Variants in PSMD1 observed in about 807,000 individuals in gnomAD.
PSMD1 encodes the protein proteasome 26S subunit, non-ATPase 1.
Under a neutral mutation model 119.0 loss-of-function variants are expected in PSMD1, and 18 were observed. The ratio of observed to expected loss-of-function variants is 0.15; its 90% CI spans 0.10 to 0.22. The LOEUF is 0.22. Among genes scored for constraint, PSMD1 ranks in the 10% least tolerant of loss-of-function variants. The probability of loss-of-function intolerance (pLI) is 1.00; values close to 1 mark genes in which losing one functional copy is unlikely to be tolerated. For synonymous variants in PSMD1, 374 were observed against 396.6 expected (o/e 0.94, Z 0.68); for missense variants, 702 against 1,158.5 (o/e 0.61, Z 5.72).
chr2:231,149,517 A>G (rs1233681188), intron 18 of PSMD1, among the ~76,000 whole-genome samples: 1 of 152,242 alleles, frequency 6.6e-6, no homozygotes, highest in Non-Finnish European at 1.5e-5. Context: ...GAACATGTAC[A>G]TATTAAGTAT....
chr2:231,057,235 A>G (rs2125145613), intron 1 of PSMD1, among the ~76,000 whole-genome samples, 194 bp downstream of exon 1: 1 of 152,108 alleles, frequency 6.6e-6, no homozygotes, highest in South Asian at 2.1e-4. Flanking sequence ...GGCTTGAGGG[A>G]ATCGAGCCGG....
intron 16 of PSMD1, among the ~76,000 whole-genome samples, chr2:231,125,421 G>A (rs763980960): frequency 5.3e-4 from 80 of 152,188 alleles, no homozygotes; most frequent in Non-Finnish European, 1.6e-4. Context: ...CGTTTTAAAA[G>A]CCTATAGTGA....
At chr2:231,117,760 C>G (rs932789875) in intron 16 of PSMD1, among the ~76,000 whole-genome samples, 9 of 152,094 alleles carry the variant, frequency 5.9e-5, no homozygotes, top group Non-Finnish European at 1.3e-4. Flanking sequence ...ATCTTGCAGT[C>G]ATCTGAAGGA....
intron 9 of PSMD1, 48 bp downstream of exon 9, chr2:231,077,210 T>G: frequency 8.1e-7 from 1 of 1,232,888 alleles, no homozygotes; most frequent in Non-Finnish European, 1.1e-6. Flanking sequence ...ATTTAGTTCT[T>G]TGTTGCATAT....
At chr2:231,101,379 A>G (rs149593415) in intron 16 of PSMD1, among the ~76,000 whole-genome samples, 42 of 152,306 alleles carry the variant, frequency 2.8e-4, no homozygotes, top group African/African-American at 1.0e-3. Flanking sequence ...ATCTTTCCCT[A>G]TAATTTTTAT....
At chr2:231,136,403 C>G (rs1695966166) in intron 16 of PSMD1, among the ~76,000 whole-genome samples, 1 of 152,118 alleles carries the variant, frequency 6.6e-6, no homozygotes. Context: ...GTATGTAGGC[C>G]AAATAAAATC....
chr2:231,102,111 T>C (rs189762542), intron 16 of PSMD1, among the ~76,000 whole-genome samples: 77 of 152,280 alleles, frequency 5.1e-4, no homozygotes, highest in Admixed American at 4.9e-3. Flanking sequence ...GAGCCACCCA[T>C]TGGGTCTGGC....
At chr2:231,079,493 A>G in intron 10 of PSMD1, 43 bp from the exon 11 acceptor site, 1 of 1,374,194 alleles carries the variant, frequency 7.3e-7, no homozygotes, top group South Asian at 1.2e-5. Context: ...TAAGGAATTC[A>G]TTTGTTTTAA....
At chr2:231,087,956 C>T (rs556092297) in intron 16 of PSMD1, among the ~76,000 whole-genome samples, 11 of 151,486 alleles carry the variant, frequency 7.3e-5, no homozygotes, top group Non-Finnish European at 1.3e-4. Flanking sequence ...GAGTGAGACT[C>T]CCTCTCAAAA....
chr2:231,118,260 A>G (rs1695412131), intron 16 of PSMD1, among the ~76,000 whole-genome samples: 2 of 152,308 alleles, frequency 1.3e-5, no homozygotes, highest in South Asian at 4.1e-4. Flanking sequence ...ATTGTTTAAC[A>G]GAAACTAGCC....
At chr2:231,127,773 A>G (rs1258509082) in intron 16 of PSMD1, among the ~76,000 whole-genome samples, 1 of 152,232 alleles carries the variant, frequency 6.6e-6, no homozygotes, top group African/African-American at 2.4e-5. Context: ...TTTATTAAAT[A>G]TTTCTATGCA....
intron 5 of PSMD1, among the ~76,000 whole-genome samples, chr2:231,068,021 G>A (rs1174110067): frequency 6.6e-6 from 1 of 152,076 alleles, no homozygotes; most frequent in East Asian, 1.9e-4. Flanking sequence ...ACTATCCCTT[G>A]TTTGCAGAAC....
intron 20 of PSMD1, chr2:231,163,223 A>G (rs1048319139): frequency 6.3e-6 from 1 of 157,552 alleles, no homozygotes; most frequent in Non-Finnish European, 1.4e-5. Context: ...ATGATTATAT[A>G]TGGTGTGGAA....
In PSMD1 at chr2:231,067,108, G is replaced by A. The variant is rs1693927111; in HGVS notation, c.507G>A (p.Glu169=). 2 of 1,582,228 alleles carry A rather than the reference G, an allele frequency of 1.3e-6. No homozygotes were observed. Among genetic ancestry groups the A allele is most frequent in the East Asian group, 2.3e-5 (1 of 44,080 alleles). The change falls in exon 5 of 25, where the codon GAG becomes GAA. Residue 169 remains glutamate, a synonymous_variant. Transcript: ENST00000308696. ...RLDVFEKTIL[E]SNDVPGMLAY... is the part of the protein sequence containing the mutation. ...ACGTCTTTGAAAAGACCATACTGGA[G>A]TCGGTAGGTAGATGATGTTATTTTA...
chr2:231,088,328 TAGC>T (rs1694505663), intron 16 of PSMD1, among the ~76,000 whole-genome samples: 1 of 152,202 alleles, frequency 6.6e-6, no homozygotes. Context: ...GTGTTTCTCT[TAGC>T]TAAGATACAA....
intron 20 of PSMD1, 148 bp downstream of exon 20, chr2:231,161,657 T>G (rs900159101): frequency 5.5e-5 from 49 of 894,036 alleles, no homozygotes; most frequent in Non-Finnish European, 8.0e-5. Flanking sequence ...AATCGTCACC[T>G]TTTTGAATGG....
rs552103076 is a variant in PSMD1, at chr2:231,135,319, T to A, written c.1884-3417T>A. Among the ~76,000 whole-genome samples, 2 of 152,302 alleles carry A rather than the reference T, an allele frequency of 1.3e-5. 1 individual carries two copies. Among genetic ancestry groups the A allele is most frequent in the South Asian group, 4.1e-4 (2 of 4,828 alleles). ...TGTCCTATAATAATAGGCATTGATT[T>A]AAACCTATAATAATTGGTTCATTTT... is the stretch of plus-strand genomic sequence containing the variant. On this transcript the variant is annotated intron_variant, in intron 16 of 24. Transcript: ENST00000308696.
At chr2:231,153,712 T>C in intron 19 of PSMD1, 46 bp downstream of exon 19, 1 of 1,263,382 alleles carries the variant, frequency 7.9e-7, no homozygotes, top group Non-Finnish European at 1.1e-6. Flanking sequence ...AAACTAAATC[T>C]AATAAAATAA....
intron 23 of PSMD1, among the ~76,000 whole-genome samples, chr2:231,167,564 C>T (rs1696817207): frequency 2.0e-5 from 3 of 151,506 alleles, no homozygotes. Flanking sequence ...GAAGGTATAG[C>T]CCTACACACA....
Sources: gnomAD v4.1 joint callset for allele counts (sites outside exome capture counted in the v4.1 genomes callset) on GRCh38, gnomAD v4.1.1 for gene constraint, MANE v1.5 for transcripts, NCBI Gene and HGNC (gene_info 2026-07-23, HGNC 2026-07-21) for gene names.